The following EML5 variants were observed in gnomAD, a reference collection of about 807,000 sequenced individuals.
EML5 encodes echinoderm microtubule-associated protein-like 5.
Under a neutral mutation model 250.0 loss-of-function variants are expected in EML5, and 120 were observed. The ratio of observed to expected loss-of-function variants is 0.48; its 90% CI spans 0.41 to 0.56. EML5 has a LOEUF of 0.56. Among genes scored for constraint, EML5 ranks in the 20% least tolerant of loss-of-function variants. The pLI, the probability that EML5 is intolerant of heterozygous loss-of-function variation, is 0.00. For synonymous variants in EML5, 771 were observed against 806.5 expected (o/e 0.96, Z 0.75); for missense variants, 2,006 against 2,437.6 (o/e 0.82, Z 3.73).
chr14:88,714,652 T>C (rs935939597), intron 9 of EML5, among the ~76,000 whole-genome samples: 2 of 152,184 alleles, frequency 1.3e-5, no homozygotes, highest in African/African-American at 4.8e-5. Flanking sequence ...CATTACATTG[T>C]AAATTTTCAA....
At chr14:88,695,827 A>G (rs968881209) in intron 15 of EML5, among the ~76,000 whole-genome samples, 7 of 152,170 alleles carry the variant, frequency 4.6e-5, no homozygotes, top group Admixed American at 3.3e-4. Flanking sequence ...TTACTGTAAT[A>G]TAAGAACTTT....
chr14:88,695,326 T>A, intron 16 of EML5, 35 bp downstream of exon 16: 1 of 1,544,462 alleles, frequency 6.5e-7, no homozygotes, highest in Non-Finnish European at 8.8e-7. Flanking sequence ...GTAATTCTAG[T>A]ATTTTGCAAA....
In EML5 at chr14:88,712,274, T is replaced by C; in HGVS notation, c.1654A>G (p.Lys552Glu). ...AATATTTTGAAAGAAAAGGTACCTT[T>C]TCTTAAACATGGATATCGGAATAAT... The part of the protein sequence containing the change: ...IKLFRYPCLR[K>E]GAKFRKYIGH... The change falls in exon 10 of 44, where the codon AAA becomes GAA. Residue 552 changes from lysine to glutamate, a missense_variant. This residue lies in a region of EML5 where 1,375 missense variants were observed against 1,590.3 expected (regional missense o/e 0.86). Transcript: ENST00000554922. The C allele has an allele frequency of 1.9e-6, 3 of 1,604,452 alleles. No individual in the cohort carries two copies. Among genetic ancestry groups the C allele is most frequent in the Non-Finnish European group, 2.6e-6 (3 of 1,173,616 alleles).
At chr14:88,642,841 A>T in intron 31 of EML5, 52 bp downstream of exon 31, 1 of 1,544,954 alleles carries the variant, frequency 6.5e-7, no homozygotes, top group South Asian at 1.3e-5. Context: ...GCTAGATCAA[A>T]ATTTCTAAGT....
intron 14 of EML5, among the ~76,000 whole-genome samples, chr14:88,697,904 T>G (rs2093117138): frequency 6.6e-6 from 1 of 151,750 alleles, no homozygotes; most frequent in African/African-American, 2.4e-5. Context: ...CCCAGCTAAT[T>G]TTTTGTATTT....
chr14:88,784,695 G>A (rs558399963), intron 1 of EML5, among the ~76,000 whole-genome samples: 1 of 152,212 alleles, frequency 6.6e-6, no homozygotes, highest in South Asian at 2.1e-4. Flanking sequence ...CAGTTAAAAT[G>A]ACTTATATCC....
chr14:88,759,026 G>A lies in EML5; in HGVS notation c.198-4355C>T, dbSNP rs142239775. ...AGGAGAATGGATAAGGACTGCTAAT[G>A]AGCTTGGGAATTTTTTAGGGGTGAT... On this transcript the variant is annotated intron_variant, in intron 1 of 43. Coordinates refer to ENST00000554922, the MANE Select transcript of EML5 (RefSeq NM_183387.3). Among the ~76,000 whole-genome samples, 777 of 152,298 alleles carry A rather than the reference G, an allele frequency of 5.1e-3. 8 individuals are homozygous for A. Among genetic ancestry groups the A allele is most frequent in the African/African-American group, 0.018 (748 of 41,564 alleles).
chr14:88,660,668 GGGA>G (rs2092059687), intron 25 of EML5, among the ~76,000 whole-genome samples: 1 of 151,878 alleles, frequency 6.6e-6, no homozygotes, highest in Admixed American at 6.6e-5. Context: ...GCTTGAACCC[GGGA>G]GGTGGAGGTT....
In EML5 at chr14:88,718,482, A is replaced by G. The variant is rs563133855; in HGVS notation, c.1188-3287T>C. Among the ~76,000 whole-genome samples, 10 of 152,320 alleles carry G rather than the reference A, an allele frequency of 6.6e-5. No homozygotes were observed. In the South Asian group the frequency reaches 2.1e-3, roughly 32 times the overall value. On this transcript the variant is annotated intron_variant, in intron 8 of 43. Transcript: ENST00000554922. ...GTAAGCTGAAAACAGAAAGAGAAGA[A>G]ACACCTAAAAGCCAAGGGAGAAAGC...
At chr14:88,658,053 G>A (rs2091936644) in intron 26 of EML5, 134 bp downstream of exon 26, 2 of 814,780 alleles carry the variant, frequency 2.5e-6, no homozygotes, top group Non-Finnish European at 3.7e-6. Context: ...AATGGATTTT[G>A]ATGTTAAACA....
At chr14:88,683,028 A>T (rs1315322481) in intron 20 of EML5, among the ~76,000 whole-genome samples, 2 of 152,256 alleles carry the variant, frequency 1.3e-5, no homozygotes, top group East Asian at 3.8e-4. Flanking sequence ...CATTTACAGC[A>T]GAGTGTGAAA....
intron 1 of EML5, among the ~76,000 whole-genome samples, chr14:88,763,241 AATAG>A (rs769825053): frequency 8.5e-4 from 129 of 152,308 alleles, no homozygotes; most frequent in African/African-American, 2.7e-3. Context: ...AAGATAACAA[AATAG>A]ATAGACAGCT....
Position 88,620,850 on chromosome 14 carries a change from A to G in EML5, c.5279T>C (p.Ile1760Thr), listed in dbSNP as rs756773492. The change falls in exon 39 of 44, where the codon ATT becomes ACT. Residue 1760 changes from isoleucine (I) to threonine (T), a missense_variant. Around this residue, in one of 7 missense-constraint regions of EML5, gnomAD observed 405 missense variants for 523.3 expected, o/e 0.77. Coordinates refer to ENST00000554922, the MANE Select transcript of EML5 (RefSeq NM_183387.3). This position sits in a 1 kb window ranked among gnomAD's most constrained non-coding sequence, Gnocchi z 4.3. ...CYSPEGDMVA[I>T]GMKNGEFIIL... ...GATAAATTCTCCATTTTTCATTCCAATAGCCACCATGTCCCCTTCAGGGCT... is the reference window on the plus strand; with the variant it reads ...GATAAATTCTCCATTTTTCATTCCAGTAGCCACCATGTCCCCTTCAGGGCT... The G allele has an allele frequency of 2.9e-5, 46 of 1,591,778 alleles. No individual in the cohort carries two copies. The highest frequency in any genetic ancestry group is 1.8e-4 in the East Asian group (8 of 44,310).
At chr14:88,668,248 C>A (rs544662851) in intron 21 of EML5, among the ~76,000 whole-genome samples, 5 of 152,118 alleles carry the variant, frequency 3.3e-5, no homozygotes, top group African/African-American at 1.2e-4. Context: ...CAGTGACCGA[C>A]TGAATCTAAA....
At chr14:88,662,279 T>C (rs964584883) in intron 24 of EML5, among the ~76,000 whole-genome samples, 1 of 56,180 alleles carries the variant, frequency 1.8e-5, no homozygotes, top group African/African-American at 1.2e-4. Flanking sequence ...TAGGCCAAGA[T>C]AAAAAATAAA....
chr14:88,732,052 A>G (rs565756811), intron 7 of EML5, among the ~76,000 whole-genome samples: 517 of 152,246 alleles, frequency 3.4e-3, no homozygotes, highest in Non-Finnish European at 5.5e-3. Context: ...TTTGCTGTGC[A>G]GAAGCTCTTT....
At chr14:88,635,390 G>A (rs2090664459) in intron 32 of EML5, among the ~76,000 whole-genome samples, 1 of 152,180 alleles carries the variant, frequency 6.6e-6, no homozygotes, top group African/African-American at 2.4e-5. Flanking sequence ...CAAATGGTGA[G>A]AGGGCTTGGA....
At chr14:88,732,911 A>G (rs767493068) in intron 7 of EML5, among the ~76,000 whole-genome samples, 1 of 152,136 alleles carries the variant, frequency 6.6e-6, no homozygotes, top group African/African-American at 2.4e-5. Context: ...CCCAGGTTCT[A>G]GCGATATTAT....
intron 28 of EML5, among the ~76,000 whole-genome samples, chr14:88,649,633 T>G (rs908810120): frequency 6.6e-6 from 1 of 152,174 alleles, no homozygotes; most frequent in African/African-American, 2.4e-5. Context: ...TTTACGAGCC[T>G]CTGAAACTTA....
Sources: gnomAD v4.1 joint callset for allele counts (sites outside exome capture counted in the v4.1 genomes callset) on GRCh38, gnomAD v4.1.1 for gene constraint, gnomAD v4.1.1 regional missense constraint, Gnocchi (gnomAD v3.1) non-coding constraint, MANE v1.5 for transcripts, NCBI Gene and HGNC (gene_info 2026-07-23, HGNC 2026-07-21) for gene names.